IQANK1: variants seen among roughly 807,000 people sequenced by gnomAD.
The protein encoded by IQANK1 is IQ motif and ankyrin repeat domain-containing protein 1.
Under a neutral mutation model 22.6 loss-of-function variants are expected in IQANK1, and 30 were observed. That is an observed-to-expected ratio of 1.33 (90% CI 0.99 to 1.80). The LOEUF (loss-of-function observed/expected upper bound fraction) is 1.80, where lower values mean the gene tolerates loss of function less well. Among genes scored for constraint, IQANK1 ranks in the 40% most tolerant of loss-of-function variants. The pLI, the probability that IQANK1 is intolerant of heterozygous loss-of-function variation, is 0.00. For missense variants in IQANK1, 275 were observed against 235.2 expected (o/e 1.17, Z -1.11); for synonymous variants, 122 against 99.6 (o/e 1.23, Z -1.34).
At chr8:143,752,215 C>G (rs557081830) in intron 3 of IQANK1, among the ~76,000 whole-genome samples, 110 of 152,326 alleles carry the variant, frequency 7.2e-4, no homozygotes, top group African/African-American at 2.5e-3. Context: ...ATCTGCCCAC[C>G]TTGGCCCCCC....
At chr8:143,786,069 C>T (rs1819882674) in intron 7 of IQANK1, among the ~76,000 whole-genome samples, 2 of 152,006 alleles carry the variant, frequency 1.3e-5, no homozygotes, top group Non-Finnish European at 2.9e-5. Context: ...TGCCATGTTG[C>T]CCAGGCTGGT....
chr8:143,788,853 T>G, intron 7 of IQANK1, 62 bp from the exon 8 acceptor site: 1 of 398,868 alleles, frequency 2.5e-6, no homozygotes, highest in Non-Finnish European at 4.4e-6. Flanking sequence ...CAACAGTTCC[T>G]CTCCAGGCTG....
intron 2 of IQANK1, among the ~76,000 whole-genome samples, 179 bp downstream of exon 2, chr8:143,736,117 A>G (rs534006497): frequency 6.7e-6 from 1 of 149,326 alleles, no homozygotes; most frequent in South Asian, 2.1e-4. Context: ...CCATTCATTC[A>G]TCTCAGACCT....
chr8:143,742,340 C>T (rs1818939518), intron 3 of IQANK1: 2 of 453,524 alleles, frequency 4.4e-6, no homozygotes, highest in Non-Finnish European at 8.9e-6. Flanking sequence ...CAGGATCTCC[C>T]TGCTTGGGAC....
chr8:143,757,030 G>A (rs1427950599), intron 3 of IQANK1, among the ~76,000 whole-genome samples: 2 of 151,964 alleles, frequency 1.3e-5, no homozygotes, highest in African/African-American at 2.4e-5. Context: ...TAAAACGCTA[G>A]GGTTCTGTGC....
chr8:143,784,347 TTCC>T (rs782176795), intron 7 of IQANK1, among the ~76,000 whole-genome samples: 1 of 152,298 alleles, frequency 6.6e-6, no homozygotes, highest in Non-Finnish European at 1.5e-5. Flanking sequence ...CTGCTCTCTC[TTCC>T]TCCTTCTCTA....
intron 7 of IQANK1, among the ~76,000 whole-genome samples, chr8:143,778,664 T>C (rs1554630704): frequency 6.6e-6 from 1 of 152,198 alleles, no homozygotes; most frequent in African/African-American, 2.4e-5. Flanking sequence ...CATCCCTTCA[T>C]CATTCATCAG....
At chr8:143,748,606 A>G (rs1377643556) in intron 3 of IQANK1, among the ~76,000 whole-genome samples, 15 of 131,296 alleles carry the variant, frequency 1.1e-4, no homozygotes, top group African/African-American at 3.8e-4. Flanking sequence ...TATATCATAT[A>G]TAATATATAA....
At chr8:143,776,053 G>A (rs563781365) in intron 7 of IQANK1, among the ~76,000 whole-genome samples, 9 of 152,050 alleles carry the variant, frequency 5.9e-5, no homozygotes, top group African/African-American at 9.7e-5. Flanking sequence ...CGGGCGCGGC[G>A]GCTCACGCCT....
intron 7 of IQANK1, among the ~76,000 whole-genome samples, chr8:143,782,476 TTTTC>T (rs1554631032): frequency 2.0e-5 from 3 of 152,014 alleles, no homozygotes; most frequent in South Asian, 2.1e-4. Context: ...GCTTTTCTTT[TTTTC>T]TTTTTCTTTT....
intron 7 of IQANK1, among the ~76,000 whole-genome samples, chr8:143,784,755 C>T (rs1190284397): frequency 1.1e-5 from 1 of 89,140 alleles, no homozygotes; most frequent in Non-Finnish European, 2.3e-5. Flanking sequence ...ACAAACACTT[C>T]TACTTATAGC....
intron 3 of IQANK1, among the ~76,000 whole-genome samples, chr8:143,747,967 CCTTTCCCTTTCCTTTCCCTTTCCTTTCT>C (rs1819066195): frequency 7.3e-6 from 1 of 136,282 alleles, no homozygotes; most frequent in African/African-American, 2.9e-5. Context: ...CCTTTCCTTT[CCTTTCCCTTTCCTTTCCCTTTCCTTTCT>C]TTTCCTTTCT....
At position 143,789,557 on chromosome 8, in the gene IQANK1, C is replaced by T. The variant is rs911089618; in HGVS notation, c.1086+29C>T. On this transcript the variant is annotated intron_variant, in intron 10 of 13. Coordinates refer to ENST00000527139, the MANE Select transcript of IQANK1 (RefSeq NM_001381874.1). The stretch of plus-strand genomic sequence containing the variant: ...GGGGCCCGTGGTGGACTTGATATGC[C>T]CCTGCGTCCTCAACACCCCTCCTTG... 3.2e-5 allele frequency: 39 copies of T among 1,231,972 alleles called. No homozygotes were observed. In the African/African-American group the frequency reaches 5.1e-4, roughly 16 times the overall value. The allele number at this position is 1,231,972 out of a possible 1,614,324, so 76.3% of individuals were successfully genotyped here.
intron 7 of IQANK1, among the ~76,000 whole-genome samples, chr8:143,775,207 G>A (rs1284113692): frequency 2.6e-5 from 4 of 151,952 alleles, no homozygotes; most frequent in African/African-American, 7.3e-5. Context: ...ATGTTGTACC[G>A]TAATTATGTA....
intron 7 of IQANK1, among the ~76,000 whole-genome samples, chr8:143,785,653 G>A (rs1403558223): frequency 6.6e-6 from 1 of 151,522 alleles, no homozygotes; most frequent in Non-Finnish European, 1.5e-5. Context: ...TTGACCCCCT[G>A]GGTTCAAATG....
chr8:143,772,622 G>A, intron 7 of IQANK1, 140 bp downstream of exon 7: 1 of 396,462 alleles, frequency 2.5e-6, no homozygotes, highest in South Asian at 1.4e-4. Flanking sequence ...AGGCTCACCC[G>A]ACCGGCTGTC....
intron 3 of IQANK1, among the ~76,000 whole-genome samples, chr8:143,755,095 G>A (rs1819266491): frequency 1.3e-5 from 2 of 152,136 alleles, no homozygotes; most frequent in Non-Finnish European, 2.9e-5. Flanking sequence ...CCATTATAGA[G>A]CTTCCCCCAC....
Position 143,771,506 on chromosome 8 carries a change from C to A in IQANK1, c.194C>A (p.Ala65Glu), listed in dbSNP as rs546360365. The change falls in exon 4 of 14, where the codon GCG (alanine) becomes GAG (glutamate). Residue 65 changes from alanine to glutamate, a missense_variant. Transcript: ENST00000527139. The surrounding 1 kb of genome is among the most constrained non-coding windows in gnomAD (Gnocchi z 6.0). Reference sequence around the variant, plus strand: ...ACCCCAGGGCCGGCCGAGGACCGAGCGGCCAGAGCGATCCAGGGCGCCTTC... The same window carrying A: ...ACCCCAGGGCCGGCCGAGGACCGAGAGGCCAGAGCGATCCAGGGCGCCTTC... ...QAPTGPAEDR[A>E]ARAIQGAFRQ... 6 of 397,872 alleles carry A rather than the reference C, an allele frequency of 1.5e-5. No homozygotes were observed. The highest frequency in any genetic ancestry group is 2.2e-5 in the Non-Finnish European group (5 of 225,656). The allele number at this position is 397,872 out of a possible 1,614,324, so 24.6% of individuals were successfully genotyped here.
rs1225249749 is a variant in IQANK1, at chr8:143,790,326, GGCCTCACCA to G, written c.1425-17_1425-9del. On this transcript the variant is annotated splice_polypyrimidine_tract_variant and intron_variant, in intron 13 of 13. Transcript: ENST00000527139. ...CACCCCACCTCCCTAGCCCCACCCT[GGCCTCACCA>G]GCCTCATGGGGCAGGTATGGGAAGC... The G allele has an allele frequency of 4.1e-6, 5 of 1,224,872 alleles. No individual in the cohort carries two copies. Among genetic ancestry groups the G allele is most frequent in the Non-Finnish European group, 5.1e-6 (5 of 981,468 alleles). 75.9% of individuals were successfully genotyped at this position (1,224,872 alleles called of 1,614,324 possible). A position where few individuals can be genotyped will look rare whatever the true frequency, so the allele number is the denominator to read the frequency against.
Sources: gnomAD v4.1 joint callset for allele counts (sites outside exome capture counted in the v4.1 genomes callset) on GRCh38, gnomAD v4.1.1 for gene constraint, Gnocchi (gnomAD v3.1) non-coding constraint, MANE v1.5 for transcripts, NCBI Gene and HGNC (gene_info 2026-07-23, HGNC 2026-07-21) for gene names.